Variants in FSHR observed in about 807,000 individuals in gnomAD.
The protein encoded by FSHR is follicle-stimulating hormone receptor.
Under a neutral mutation model 52.1 loss-of-function variants are expected in FSHR, and 46 were observed. The ratio of observed to expected loss-of-function variants is 0.88; its 90% confidence interval spans 0.70 to 1.13. The LOEUF is 1.13. Ranked by LOEUF, FSHR falls within the 50% of genes most tolerant of loss-of-function variation. The probability of loss-of-function intolerance (pLI) is 0.00; values close to 1 mark genes in which losing one functional copy is unlikely to be tolerated. For synonymous variants in FSHR, 399 were observed against 309.6 expected (o/e 1.29, Z -3.03); for missense variants, 964 against 834.6 (o/e 1.16, Z -1.91).
chr2:49,003,567 G>A (rs193023976), intron 4 of FSHR, among the ~76,000 whole-genome samples: 5 of 152,068 alleles, frequency 3.3e-5, no homozygotes, highest in Admixed American at 6.6e-5. Flanking sequence ...GGATCTTATC[G>A]CCTAAGAATA....
In FSHR at chr2:49,056,347, C is replaced by T. The variant is rs74335030; in HGVS notation, c.224+11872G>A. Among the ~76,000 whole-genome samples, 3 of 150,730 alleles carry T rather than the reference C, an allele frequency of 2.0e-5. No individual in the cohort carries two copies. The East Asian group carries it at 5.8e-4, about 29-fold the overall frequency. ...TGAGCAGGAATAGCTATACTTACAT[C>T]AGAAAAACAGACTTAAGTTAAAAGA... On this transcript the variant is annotated intron_variant, in intron 2 of 9. Coordinates refer to ENST00000406846, the MANE Select transcript of FSHR (RefSeq NM_000145.4).
At chr2:49,081,328 G>C (rs11674572) in intron 1 of FSHR, among the ~76,000 whole-genome samples, 28,337 of 151,724 alleles carry the variant, frequency 0.19, 2,699 homozygotes, top group East Asian at 0.25. Context: ...GTACATAATT[G>C]TATCTAAAGT....
chr2:49,017,275 G>C (rs764281491), intron 4 of FSHR, among the ~76,000 whole-genome samples: 5 of 152,122 alleles, frequency 3.3e-5, no homozygotes, highest in South Asian at 2.1e-4. Flanking sequence ...TCTTATGTCT[G>C]TTTTTGCAAA....
chr2:49,011,204 G>A (rs542576010), intron 4 of FSHR, among the ~76,000 whole-genome samples: 44 of 150,538 alleles, frequency 2.9e-4, no homozygotes, highest in South Asian at 6.4e-4. Flanking sequence ...CTTTGAATGC[G>A]TCCCACAGAT....
chr2:49,137,795 T>C (rs1475797631), intron 1 of FSHR, among the ~76,000 whole-genome samples: 6 of 152,128 alleles, frequency 3.9e-5, no homozygotes, highest in Middle Eastern at 3.4e-3. Flanking sequence ...TATACAAGAA[T>C]TAACTAAAAA....
chr2:49,001,584 A>G (rs1024404501), intron 4 of FSHR, among the ~76,000 whole-genome samples: 1 of 152,168 alleles, frequency 6.6e-6, no homozygotes, highest in African/African-American at 2.4e-5. Context: ...GTTGCAAAAG[A>G]GTTAATATTT....
At chr2:48,969,831 C>T (rs1202464492) in intron 8 of FSHR, among the ~76,000 whole-genome samples, 1 of 152,198 alleles carries the variant, frequency 6.6e-6, no homozygotes, top group Non-Finnish European at 1.5e-5. Flanking sequence ...GGGCGCTTTT[C>T]TGGCAGCACC....
intron 1 of FSHR, among the ~76,000 whole-genome samples, chr2:49,142,305 A>G (rs1672716561): frequency 6.6e-6 from 1 of 152,188 alleles, no homozygotes; most frequent in Non-Finnish European, 1.5e-5. Context: ...AGGAGGTGGC[A>G]TTTGGGTAGA....
chr2:49,086,651 G>A (rs1670403754), intron 1 of FSHR, among the ~76,000 whole-genome samples: 1 of 152,062 alleles, frequency 6.6e-6, no homozygotes, highest in Non-Finnish European at 1.5e-5. Context: ...TTTTTAATTT[G>A]TGTTTTTGAG....
chr2:48,999,511 C>A (rs1676162947), intron 4 of FSHR, among the ~76,000 whole-genome samples: 2 of 152,044 alleles, frequency 1.3e-5, no homozygotes, highest in African/African-American at 4.8e-5. Flanking sequence ...GCATGTGGTT[C>A]CTTATCTCTG....
intron 6 of FSHR, among the ~76,000 whole-genome samples, chr2:48,985,406 G>A (rs1396584282): frequency 7.9e-6 from 1 of 126,742 alleles, no homozygotes; most frequent in Non-Finnish European, 1.6e-5. Context: ...CGAGTGTGCT[G>A]GGCACTGTAA....
intron 2 of FSHR, among the ~76,000 whole-genome samples, chr2:49,042,112 C>T (rs1488743010): frequency 1.3e-5 from 2 of 152,118 alleles, no homozygotes; most frequent in African/African-American, 2.4e-5. Context: ...ATCCTGCCCA[C>T]TAGGTATATA....
intron 2 of FSHR, among the ~76,000 whole-genome samples, chr2:49,021,566 C>T (rs1345304680): frequency 7.7e-6 from 1 of 130,384 alleles, no homozygotes; most frequent in Non-Finnish European, 1.8e-5. Context: ...AAAGAAGGCC[C>T]CTGGGGGAGG....
At chr2:49,033,230 G>C (rs1422108452) in intron 2 of FSHR, among the ~76,000 whole-genome samples, 1 of 152,176 alleles carries the variant, frequency 6.6e-6, no homozygotes. Flanking sequence ...GAGATGTGCA[G>C]GGACAATGAG....
chr2:49,054,496 G>A (rs1668982544), intron 2 of FSHR, among the ~76,000 whole-genome samples: 1 of 152,102 alleles, frequency 6.6e-6, no homozygotes, highest in Non-Finnish European at 1.5e-5. Context: ...CCCCAGGCCA[G>A]CCAAGTAGCT....
At chr2:49,072,018 TA>T (rs1669755843) in intron 1 of FSHR, among the ~76,000 whole-genome samples, 1 of 152,128 alleles carries the variant, frequency 6.6e-6, no homozygotes, top group Non-Finnish European at 1.5e-5. Flanking sequence ...TGGGTTGTCA[TA>T]ATGGCTGGAA....
At chr2:49,094,608 A>T (rs1414178491) in intron 1 of FSHR, among the ~76,000 whole-genome samples, 1 of 152,148 alleles carries the variant, frequency 6.6e-6, no homozygotes, top group East Asian at 1.9e-4. Context: ...TAGAACTTTA[A>T]AATGTTGTTC....
chr2:48,978,129 T>C (rs1178025804), intron 8 of FSHR, among the ~76,000 whole-genome samples: 1 of 152,036 alleles, frequency 6.6e-6, no homozygotes, highest in Non-Finnish European at 1.5e-5. Flanking sequence ...AGATACAGAG[T>C]AGCAAGAGAG....
chr2:49,083,437 T>C (rs1236867414), intron 1 of FSHR, among the ~76,000 whole-genome samples: 1 of 149,820 alleles, frequency 6.7e-6, no homozygotes, highest in Non-Finnish European at 1.5e-5. Context: ...CTGCATCAAC[T>C]GATGAGCAAA....
Sources: allele counts gnomAD v4.1 joint callset (sites outside exome capture counted in the v4.1 genomes callset), GRCh38; gene constraint gnomAD v4.1.1; transcripts MANE v1.5; gene names NCBI Gene and HGNC (gene_info 2026-07-23, HGNC 2026-07-21).